SERGEF: variants seen among roughly 807,000 people sequenced by gnomAD.
SERGEF encodes the protein secretion-regulating guanine nucleotide exchange factor.
A neutral mutation model predicts 50.0 loss-of-function variants in SERGEF; 51 were observed. That is an observed-to-expected ratio of 1.02 (90% CI 0.81 to 1.29). SERGEF has a LOEUF of 1.29. SERGEF is among the 50% of genes most tolerant of loss of function. The pLI, the probability that SERGEF is intolerant of heterozygous loss-of-function variation, is 0.00. For missense variants in SERGEF, 521 were observed against 557.0 expected (o/e 0.94, Z 0.65); for synonymous variants, 205 against 212.4 (o/e 0.97, Z 0.30).
intron 1 of SERGEF, 77 bp from the exon 2 acceptor site, chr11:18,008,153 C>A: frequency 7.0e-7 from 1 of 1,421,658 alleles, no homozygotes; most frequent in South Asian, 1.3e-5. Context: ...CTCTGTCTCT[C>A]TCACCCTGAC....
At chr11:17,834,101 T>G (rs1309803287) in intron 10 of SERGEF, among the ~76,000 whole-genome samples, 1 of 152,158 alleles carries the variant, frequency 6.6e-6, no homozygotes, top group East Asian at 1.9e-4. Context: ...AAATCTCATC[T>G]TGAATTCCCA....
At position 17,907,384 on chromosome 11, in the gene SERGEF, A is replaced by C. The variant is rs73426285; in HGVS notation, c.1012-29140T>G. On this transcript the variant is annotated intron_variant, in intron 9 of 10. Coordinates refer to ENST00000265965, the MANE Select transcript of SERGEF (RefSeq NM_012139.4). ...GCTAATGCTCTATTCTATTCCATAA[A>C]AGATTAAATTGGTCAGCACTACCAT... Among the ~76,000 whole-genome samples the C allele has an allele frequency of 2.9e-3, 443 of 152,288 alleles. 3 individuals are homozygous for C. Among genetic ancestry groups the C allele is most frequent in the African/African-American group, 0.01 (426 of 41,554 alleles).
intron 10 of SERGEF, among the ~76,000 whole-genome samples, chr11:17,852,638 G>C (rs1850734605): frequency 6.6e-6 from 1 of 152,178 alleles, no homozygotes; most frequent in South Asian, 2.1e-4. Context: ...AAAGGAATCA[G>C]GGTCAGGGAA....
chr11:18,010,098 T>C, intron 1 of SERGEF: 1 of 1,256,948 alleles, frequency 8.0e-7, no homozygotes, highest in Non-Finnish European at 1.0e-6. Flanking sequence ...TTCCTGGAGA[T>C]GAGAAGTAAA....
chr11:17,791,307 G>A (rs1411628027), intron 10 of SERGEF, among the ~76,000 whole-genome samples: 1 of 152,190 alleles, frequency 6.6e-6, no homozygotes, highest in East Asian at 1.9e-4. Flanking sequence ...TGGTCAAAGA[G>A]TATAGGCATT....
intron 8 of SERGEF, among the ~76,000 whole-genome samples, chr11:17,963,964 A>G (rs1263640996): frequency 1.3e-5 from 2 of 152,156 alleles, no homozygotes; most frequent in Non-Finnish European, 1.5e-5. Flanking sequence ...CAAGGCCTAA[A>G]CTAGAATAGA....
At chr11:17,988,776 A>G in intron 7 of SERGEF, 21 bp from the exon 8 acceptor site, 2 of 1,610,480 alleles carry the variant, frequency 1.2e-6, no homozygotes, top group African/African-American at 1.3e-5. Flanking sequence ...CAGAAGGGTA[A>G]CAAAAGAGGT....
At chr11:17,849,876 T>C (rs1850680450) in intron 10 of SERGEF, among the ~76,000 whole-genome samples, 2 of 152,246 alleles carry the variant, frequency 1.3e-5, no homozygotes, top group South Asian at 2.1e-4. Flanking sequence ...TGCTTTACTA[T>C]ATTATGTCTC....
chr11:17,885,647 A>T lies in SERGEF; in HGVS notation c.1012-7403T>A, dbSNP rs188979762. Among the ~76,000 whole-genome samples, 1,339 of 151,042 alleles carry T rather than the reference A, an allele frequency of 8.9e-3. 16 individuals carry two copies. The highest frequency in any genetic ancestry group is 0.031 in the African/African-American group (1,286 of 41,140). ...ATGGGCATGATCTGATTTTTTTTTTAATTAAAGTTGTCACAGTTATCAAAG... is the reference window on the plus strand; with the variant it reads ...ATGGGCATGATCTGATTTTTTTTTTTATTAAAGTTGTCACAGTTATCAAAG... On this transcript the variant is annotated intron_variant, in intron 9 of 10. Coordinates refer to ENST00000265965, the MANE Select transcript of SERGEF (RefSeq NM_012139.4).
Position 18,007,309 on chromosome 11 carries a change from T to C in SERGEF, c.197-563A>G, listed in dbSNP as rs546648261. Among the ~76,000 whole-genome samples the C allele has an allele frequency of 3.9e-5, 6 of 152,346 alleles. 1 individual carries two copies. In the East Asian group the frequency reaches 9.6e-4, roughly 24 times the overall value. ...TAAAGGGAAAAGCACCAACGACCCA[T>C]GACAGTCGGAATGGAGCCCTGCTAA... is the stretch of plus-strand genomic sequence containing the variant. On this transcript the variant is annotated intron_variant, in intron 2 of 10. Transcript: ENST00000265965.
chr11:17,952,351 C>T (rs1852788513), intron 9 of SERGEF, among the ~76,000 whole-genome samples: 1 of 152,280 alleles, frequency 6.6e-6, no homozygotes, highest in East Asian at 1.9e-4. Context: ...TCAATGAAAG[C>T]ACTCTCTTCT....
At chr11:17,895,678 T>C (rs894478429) in intron 9 of SERGEF, among the ~76,000 whole-genome samples, 6 of 152,214 alleles carry the variant, frequency 3.9e-5, no homozygotes, top group African/African-American at 1.2e-4. Context: ...GTTTATTTAT[T>C]TTTTTAGGTT....
rs1307749769 is a variant in SERGEF, at chr11:17,788,284, G to A, written c.1178C>T (p.Ala393Val). The change falls in exon 11 of 11, where the codon GCT becomes GTT. Residue 393 changes from alanine to valine, a missense_variant. Coordinates refer to ENST00000265965, the MANE Select transcript of SERGEF (RefSeq NM_012139.4). ...CTGGCAGAGGGCCAAGGAGTGGCCA[G>A]CCCCACAGCCCACAAGGAGTCCTGA... ...SSSGLLVGCGAGHSLALCQLP... is the reference protein window; with the variant it reads ...SSSGLLVGCGVGHSLALCQLP... 6.2e-7 allele frequency: 1 copy of A among 1,614,000 alleles called. No homozygotes were observed. Among genetic ancestry groups the A allele is most frequent in the East Asian group, 2.2e-5 (1 of 44,860 alleles).
At chr11:17,934,294 TCTC>T (rs1050804383) in intron 9 of SERGEF, among the ~76,000 whole-genome samples, 1 of 152,162 alleles carries the variant, frequency 6.6e-6, no homozygotes, top group Admixed American at 6.6e-5. Flanking sequence ...TTGCAATCGC[TCTC>T]AATTATTAAT....
chr11:17,813,299 C>T (rs574449814), intron 10 of SERGEF, among the ~76,000 whole-genome samples: 1 of 152,222 alleles, frequency 6.6e-6, no homozygotes, highest in East Asian at 1.9e-4. Context: ...GTTTTGTTTC[C>T]AGAATCTTAT....
chr11:17,799,996 G>C (rs544098243), intron 10 of SERGEF, among the ~76,000 whole-genome samples: 4 of 152,290 alleles, frequency 2.6e-5, no homozygotes, highest in Admixed American at 2.6e-4. Context: ...TAATTCCTGA[G>C]ATGGATCAAA....
intron 9 of SERGEF, among the ~76,000 whole-genome samples, chr11:17,957,867 GA>G (rs1373756119): frequency 1.3e-5 from 2 of 151,884 alleles, no homozygotes; most frequent in African/African-American, 4.8e-5. Context: ...GACCAAGAGG[GA>G]AAAAAACAAA....
intron 10 of SERGEF, among the ~76,000 whole-genome samples, chr11:17,791,257 T>C (rs1043867347): frequency 2.0e-4 from 30 of 152,240 alleles, no homozygotes; most frequent in Non-Finnish European, 4.1e-4. Flanking sequence ...TCTGTCTCTC[T>C]AATTATTTTC....
intron 9 of SERGEF, among the ~76,000 whole-genome samples, chr11:17,949,312 A>G (rs577318739): frequency 3.1e-4 from 47 of 152,056 alleles, no homozygotes; most frequent in Non-Finnish European, 6.3e-4. Flanking sequence ...GCTATCCAAT[A>G]TAAAGTACCC....
Sources: allele counts gnomAD v4.1 joint callset (sites outside exome capture counted in the v4.1 genomes callset), GRCh38; gene constraint gnomAD v4.1.1; transcripts MANE v1.5; gene names NCBI Gene and HGNC (gene_info 2026-07-23, HGNC 2026-07-21).